PSD3: variants seen among roughly 807,000 people sequenced by gnomAD.
PSD3 encodes pleckstrin and Sec7 domain containing 3.
Under a neutral mutation model 105.5 loss-of-function variants are expected in PSD3, and 49 were observed. That is an observed-to-expected ratio of 0.46 (90% CI 0.37 to 0.59). The LOEUF (loss-of-function observed/expected upper bound fraction) is 0.59, where lower values mean the gene tolerates loss of function less well. PSD3 is among the 20% of genes least tolerant of loss of function. PSD3 has a pLI of 0.00. For synonymous variants in PSD3, 557 were observed against 457.8 expected, an observed-to-expected ratio of 1.22 and a Z score of -2.77; for missense variants, 1,561 against 1,263.8, an observed-to-expected ratio of 1.24 and a Z score of -3.57.
At chr8:18,552,558 T>G (rs1005091874) in intron 15 of PSD3, among the ~76,000 whole-genome samples, 3 of 152,192 alleles carry the variant, frequency 2.0e-5, no homozygotes, top group Admixed American at 6.5e-5. Context: ...AACTTTTACA[T>G]TGACACAAAA....
At chr8:18,621,411 A>G (rs551808402) in intron 11 of PSD3, among the ~76,000 whole-genome samples, 24 of 152,186 alleles carry the variant, frequency 1.6e-4, no homozygotes, top group South Asian at 2.1e-4. Flanking sequence ...CCGTCTCAGA[A>G]AAAAGACTAT....
chr8:19,042,623 C>T (rs564626055), intron 1 of PSD3, among the ~76,000 whole-genome samples: 122 of 152,254 alleles, frequency 8.0e-4, no homozygotes, highest in Non-Finnish European at 1.4e-3. Context: ...AAACAAAAAG[C>T]ACCTCACAAA....
chr8:18,575,156 C>G lies in PSD3; in HGVS notation c.2611G>C (p.Asp871His). Residue 871 changes from aspartate to histidine, a missense_variant, in exon 13 of 16, where the codon GAC (aspartate) becomes CAC (histidine). Physicochemically the swap from Asp to His is moderately conservative, Grantham distance 81. Transcript: ENST00000327040. ...KPNVFKLKTA[D>H]WRVLLFQTQS... ...GTTTGAAAAAGCAAGACCCTCCAGT[C>G]GGCAGTTTTAAGTTTAAACACGTTT... 6.2e-7 allele frequency: 1 copy of G among 1,613,312 alleles called. No homozygotes were observed. The highest frequency in any genetic ancestry group is 8.5e-7 in the Non-Finnish European group (1 of 1,179,690).
intron 2 of PSD3, 73 bp downstream of exon 2, chr8:18,935,961 T>G (rs892968154): frequency 2.2e-6 from 2 of 916,162 alleles, no homozygotes; most frequent in East Asian, 4.9e-5. Context: ...GTAATGCAGG[T>G]GGAGAAAAAT....
rs142005281 is a variant in PSD3, at chr8:18,873,550, A to G, written c.131-817T>C. Among the ~76,000 whole-genome samples the G allele has an allele frequency of 3.4e-3, 524 of 152,302 alleles. 7 individuals carry two copies. The highest frequency in any genetic ancestry group is 0.012 in the African/African-American group (484 of 41,550). ...TCAAGCTAATTAACAACATACCAGT[A>G]CTGTACCTCAAATTTTTGGTGTGTA... On this transcript the variant is annotated intron_variant, in intron 2 of 15. Coordinates refer to ENST00000327040, the MANE Select transcript of PSD3 (RefSeq NM_015310.4).
rs530723473 is a variant in PSD3, at chr8:18,565,802, A to G, written c.2784+6726T>C. Among the ~76,000 whole-genome samples the G allele has an allele frequency of 2.0e-5, 3 of 152,168 alleles. No homozygotes were observed. The South Asian group carries it at 6.2e-4, about 32-fold the overall frequency. On this transcript the variant is annotated intron_variant, in intron 14 of 15. Coordinates refer to ENST00000327040, the MANE Select transcript of PSD3 (RefSeq NM_015310.4). Reference sequence around the variant, plus strand: ...GGCTAAAGCAGTGGTTCTCAATAGGAGTGGGTTGGATTTTGACCCCAGAAG... The same window carrying G: ...GGCTAAAGCAGTGGTTCTCAATAGGGGTGGGTTGGATTTTGACCCCAGAAG...
chr8:18,556,129 G>A (rs2130142217), intron 15 of PSD3, 80 bp downstream of exon 15: 1 of 1,498,138 alleles, frequency 6.7e-7, no homozygotes, highest in Non-Finnish European at 9.0e-7. Context: ...CAGTGACACT[G>A]CAAAGAAAGA....
intron 12 of PSD3, among the ~76,000 whole-genome samples, chr8:18,582,342 T>C (rs1802874940): frequency 6.6e-6 from 1 of 152,122 alleles, no homozygotes. Context: ...TATCTTACCT[T>C]TTCATGACAG....
At chr8:18,639,627 A>C (rs1807499297) in intron 10 of PSD3, among the ~76,000 whole-genome samples, 1 of 152,160 alleles carries the variant, frequency 6.6e-6, no homozygotes, top group South Asian at 2.1e-4. Context: ...TGAAGCTACC[A>C]CAGGCTAGGA....
At chr8:18,560,038 G>C (rs1204955579) in intron 14 of PSD3, among the ~76,000 whole-genome samples, 1 of 152,094 alleles carries the variant, frequency 6.6e-6, no homozygotes, top group Admixed American at 6.5e-5. Context: ...TCAAAATAAA[G>C]CATTTTAAAA....
intron 9 of PSD3, among the ~76,000 whole-genome samples, chr8:18,717,589 A>G (rs1010316752): frequency 1.3e-5 from 2 of 152,130 alleles, no homozygotes; most frequent in African/African-American, 2.4e-5. Flanking sequence ...CAAATTTGTT[A>G]TATTATATAT....
chr8:18,859,502 C>G (rs375219495), intron 4 of PSD3, among the ~76,000 whole-genome samples: 1 of 152,324 alleles, frequency 6.6e-6, no homozygotes, highest in African/African-American at 2.4e-5. Flanking sequence ...CTCGTACTCT[C>G]TAGCTAAGAA....
intron 15 of PSD3, among the ~76,000 whole-genome samples, chr8:18,550,710 A>G (rs769945175): frequency 5.3e-5 from 8 of 152,166 alleles, no homozygotes; most frequent in Non-Finnish European, 1.0e-4. Context: ...CTGAAAGCAT[A>G]CCACTTTTGC....
At chr8:18,828,053 A>G (rs1474867397) in intron 4 of PSD3, among the ~76,000 whole-genome samples, 1 of 111,684 alleles carries the variant, frequency 9.0e-6, no homozygotes, top group East Asian at 2.3e-4. Context: ...ATATGTATAT[A>G]TATATATATA....
At chr8:18,886,505 A>C (rs1818462697) in intron 2 of PSD3, among the ~76,000 whole-genome samples, 1 of 152,190 alleles carries the variant, frequency 6.6e-6, no homozygotes, top group Non-Finnish European at 1.5e-5. Context: ...AGTAAGCAAA[A>C]GCAGTCAATA....
chr8:18,556,287 G>A lies in PSD3; in HGVS notation c.2850C>T (p.Arg950=). The A allele has an allele frequency of 5.6e-6, 9 of 1,614,072 alleles. No individual in the cohort carries two copies. Among genetic ancestry groups the A allele is most frequent in the African/African-American group, 4.0e-5 (3 of 75,016 alleles). The change falls in exon 15 of 16, where the codon CGC becomes CGT. Residue 950 remains arginine, a synonymous_variant. Transcript: ENST00000327040. ...TGACCTTCTTGTCGGGGGGATATGA[G>A]CGGTGCTCGGCCAGCTCGGTGGTGA... The part of the protein sequence containing the change: ...KQITTELAEH[R]SYPPDKKVKA...
chr8:19,044,558 G>A (rs1308794674), intron 1 of PSD3, among the ~76,000 whole-genome samples: 1 of 152,200 alleles, frequency 6.6e-6, no homozygotes, highest in African/African-American at 2.4e-5. Context: ...GATATTAAAT[G>A]AATGTAAAGT....
chr8:18,588,894 A>ACT (rs1362636072), intron 12 of PSD3, among the ~76,000 whole-genome samples: 3 of 127,890 alleles, frequency 2.3e-5, no homozygotes, highest in East Asian at 4.3e-4. Context: ...ATGTGAGAAT[A>ACT]GTGTTCTCTT....
At chr8:19,000,911 A>C (rs1025114224) in intron 1 of PSD3, 2 of 151,886 alleles carry the variant, frequency 1.3e-5, no homozygotes, top group Non-Finnish European at 2.9e-5. Flanking sequence ...AAAGCACCAC[A>C]TATAGTCGTC....
Sources: gnomAD v4.1 joint callset for allele counts (sites outside exome capture counted in the v4.1 genomes callset) on GRCh38, gnomAD v4.1.1 for gene constraint, MANE v1.5 for transcripts, NCBI Gene and HGNC (gene_info 2026-07-23, HGNC 2026-07-21) for gene names.